Variants in CCDC93 observed in about 807,000 individuals in gnomAD.
The protein encoded by CCDC93 is coiled-coil domain-containing protein 93.
Under a neutral mutation model 108.2 loss-of-function variants are expected in CCDC93, and 61 were observed. The observed-to-expected ratio is 0.56, with a 90% CI of 0.46 to 0.70. The LOEUF (loss-of-function observed/expected upper bound fraction) is 0.70. Ranked by LOEUF, CCDC93 falls within the 30% of genes least tolerant of loss-of-function variation. CCDC93 has a pLI of 0.00. For missense variants in CCDC93, 685 were observed against 764.2 expected, an observed-to-expected ratio of 0.90 and a Z score of 1.22; for synonymous variants, 276 against 260.4, an observed-to-expected ratio of 1.06 and a Z score of -0.58.
At chr2:117,970,940 C>G (rs1029223389) in intron 11 of CCDC93, among the ~76,000 whole-genome samples, 2 of 152,182 alleles carry the variant, frequency 1.3e-5, no homozygotes, top group African/African-American at 4.8e-5. Context: ...AACCTCTCAG[C>G]AGAAACTATC....
chr2:117,973,978 C>A lies in CCDC93; in HGVS notation c.818G>T (p.Ser273Ile). 1 of 1,611,012 alleles carries A rather than the reference C, an allele frequency of 6.2e-7. No homozygotes were observed. ...MANEESRLTA[S>I]SVGQIVGLCS... ...GAGTCCCACAATCTGGCCCACGGAG[C>A]TTGCGGTGAGACGGCTCTGCAAGTA... Residue 273 changes from serine to isoleucine, a missense_variant, in exon 11 of 24, where the codon AGC becomes ATC. Ser to Ile is a moderately radical substitution (Grantham distance 142, BLOSUM62 -2). Coordinates refer to ENST00000376300, the MANE Select transcript of CCDC93 (RefSeq NM_019044.5).
intron 12 of CCDC93, among the ~76,000 whole-genome samples, chr2:117,955,118 T>C (rs898815174): frequency 6.6e-6 from 1 of 152,228 alleles, no homozygotes; most frequent in South Asian, 2.1e-4. Context: ...GTACCTCCCC[T>C]TCATAAGGAT....
At chr2:117,975,021 T>G (rs1158218419) in intron 9 of CCDC93, 121 bp from the exon 10 acceptor site, 9 of 1,066,500 alleles carry the variant, frequency 8.4e-6, no homozygotes, top group Non-Finnish European at 1.1e-5. Flanking sequence ...TCGTCTTATG[T>G]GAGCCTCAAA....
intron 6 of CCDC93, among the ~76,000 whole-genome samples, chr2:117,989,583 T>C (rs72838029): frequency 0.25 from 37,283 of 152,108 alleles, 5,725 homozygotes; most frequent in East Asian, 0.4. Context: ...TCAATTAATA[T>C]TACTGAATGA....
chr2:117,999,086 A>C (rs1680755190), intron 4 of CCDC93: 1 of 152,184 alleles, frequency 6.6e-6, no homozygotes, highest in African/African-American at 2.4e-5. Context: ...CAACTAACTT[A>C]ATTCTCATCC....
Position 117,946,791 on chromosome 2 carries a change from G to A in CCDC93, c.1296+20C>T, listed in dbSNP as rs1417231133. ...CGTAATAGCACCTGAGAGTCTCAAGGACTAATTCAGAGCCTTTACCTTTTC... is the reference window on the plus strand; with the variant it reads ...CGTAATAGCACCTGAGAGTCTCAAGAACTAATTCAGAGCCTTTACCTTTTC... On this transcript the variant is annotated intron_variant, in intron 16 of 23. Transcript: ENST00000376300. The A allele has an allele frequency of 6.3e-7, 1 of 1,575,274 alleles. No individual in the cohort carries two copies. Among genetic ancestry groups the A allele is most frequent in the African/African-American group, 1.3e-5 (1 of 74,252 alleles).
chr2:118,011,433 TTAAG>T (rs1157571452), intron 1 of CCDC93, among the ~76,000 whole-genome samples: 16 of 152,162 alleles, frequency 1.1e-4, no homozygotes, highest in Non-Finnish European at 2.9e-5. Context: ...AAAAATTTTC[TTAAG>T]TAATATAAAT....
intron 12 of CCDC93, among the ~76,000 whole-genome samples, chr2:117,957,413 A>C (rs559858774): frequency 3.3e-5 from 5 of 152,308 alleles, no homozygotes; most frequent in African/African-American, 1.2e-4. Context: ...GCTCTTTTAA[A>C]AATGATCAAG....
chr2:117,950,834 C>T (rs761464418), intron 13 of CCDC93: 11 of 985,442 alleles, frequency 1.1e-5, no homozygotes, highest in Non-Finnish European at 1.2e-5. Flanking sequence ...AGAGAGGGCT[C>T]TGATGCCAGG....
intron 23 of CCDC93, among the ~76,000 whole-genome samples, chr2:117,927,323 T>C (rs1266872114): frequency 6.6e-6 from 1 of 152,062 alleles, no homozygotes; most frequent in Non-Finnish European, 1.5e-5. Flanking sequence ...AAAGAAGAAG[T>C]CAAATTGTCC....
In CCDC93 at chr2:117,953,728, C is replaced by CA. The variant is rs11310138; in HGVS notation, c.1006-1294dup. Among the ~76,000 whole-genome samples, 780 of 132,224 alleles carry CA rather than the reference C, an allele frequency of 5.9e-3. 14 individuals are homozygous for CA. Among genetic ancestry groups the CA allele is most frequent in the African/African-American group, 0.016 (575 of 35,222 alleles). 86.7% of individuals were successfully genotyped at this position (132,224 alleles called of 152,430 possible). ...CAACAAAGTGAGACTCTGCTGTCTC[C>CA]AAAAAAAAAAAAAAAAAATTAGCCC... On this transcript the variant is annotated intron_variant, in intron 12 of 23. Transcript: ENST00000376300.
At chr2:117,995,649 T>C in intron 5 of CCDC93, 147 bp from the exon 6 acceptor site, 1 of 649,342 alleles carries the variant, frequency 1.5e-6, no homozygotes, top group Non-Finnish European at 2.7e-6. Flanking sequence ...TTGTAATATA[T>C]TCTCCATGGG....
intron 7 of CCDC93, among the ~76,000 whole-genome samples, chr2:117,978,968 A>C (rs1309722026): frequency 6.6e-6 from 1 of 152,176 alleles, no homozygotes; most frequent in Non-Finnish European, 1.5e-5. Flanking sequence ...AGATCATAGC[A>C]CTGGACTCCA....
chr2:117,996,410 C>T, intron 4 of CCDC93, 48 bp from the exon 5 acceptor site: 1 of 1,367,638 alleles, frequency 7.3e-7, no homozygotes, highest in Non-Finnish European at 1.0e-6. Flanking sequence ...CAACATCCCA[C>T]TGAAGTGAAG....
At chr2:117,978,453 TC>T (rs1467942574) in intron 7 of CCDC93, among the ~76,000 whole-genome samples, 8 of 152,136 alleles carry the variant, frequency 5.3e-5, no homozygotes, top group Admixed American at 4.6e-4. Flanking sequence ...CACTTTTTAT[TC>T]CCAAACATAA....
In CCDC93 at chr2:118,002,444, T is replaced by C. The variant is rs1558804948; in HGVS notation, c.252-1512A>G. Among the ~76,000 whole-genome samples the C allele has an allele frequency of 2.6e-5, 4 of 152,176 alleles. No homozygotes were observed. In the South Asian group the frequency reaches 6.2e-4, roughly 24 times the overall value. Reference sequence around the variant, plus strand: ...AAACAGCCCCCCAGGGAATGGGCACTAGAGAACACATTAAGAAACAGTGTC... The same window carrying C: ...AAACAGCCCCCCAGGGAATGGGCACCAGAGAACACATTAAGAAACAGTGTC... On this transcript the variant is annotated intron_variant, in intron 3 of 23. Coordinates refer to ENST00000376300, the MANE Select transcript of CCDC93 (RefSeq NM_019044.5).
Position 117,975,263 on chromosome 2 carries a change from C to T in CCDC93, c.675G>A (p.Thr225=), listed in dbSNP as rs140835483. 66 of 1,613,006 alleles carry T rather than the reference C, an allele frequency of 4.1e-5. No homozygotes were observed. The highest frequency in any genetic ancestry group is 3.8e-4 in the East Asian group (17 of 44,882). ...SKMEKAEDKK[T]ALPAGLSATE... ...TAGCTGACAGCCCTGCTGGAAGTGC[C>T]GTTTTCTTGTCCTCAGCCTGCAAGG... is the stretch of plus-strand genomic sequence containing the variant. Residue 225 remains threonine, a synonymous_variant, in exon 9 of 24, where the codon ACG becomes ACA. Transcript: ENST00000376300.
In CCDC93 at chr2:117,931,119, C is replaced by T. The variant is rs764205137; in HGVS notation, c.1760G>A (p.Arg587Lys). Residue 587 changes from arginine to lysine, a missense_variant, in exon 23 of 24, where the codon AGA becomes AAA. Coordinates refer to ENST00000376300, the MANE Select transcript of CCDC93 (RefSeq NM_019044.5). ...MEKKKQENKM[R>K]RDQLNDQYLE... ...GTACTGGTCGTTCAACTGGTCTCTT[C>T]TCATTTTGTTCTCTTGCTTTTTCTT... The T allele has an allele frequency of 2.5e-6, 4 of 1,613,868 alleles. No individual in the cohort carries two copies. The highest frequency in any genetic ancestry group is 3.4e-6 in the Non-Finnish European group (4 of 1,179,776).
At chr2:117,978,145 G>A (rs1680001808) in intron 7 of CCDC93, 115 bp from the exon 8 acceptor site, 1 of 939,296 alleles carries the variant, frequency 1.1e-6, no homozygotes, top group Non-Finnish European at 1.7e-6. Context: ...TATGCCATTT[G>A]GTGACTTGAG....
Sources: allele counts gnomAD v4.1 joint callset (sites outside exome capture counted in the v4.1 genomes callset), GRCh38; gene constraint gnomAD v4.1.1; transcripts MANE v1.5; gene names NCBI Gene and HGNC (gene_info 2026-07-23, HGNC 2026-07-21).